The following PIWIL1 variants were observed in gnomAD, a reference collection of about 807,000 sequenced individuals.
The protein encoded by PIWIL1 is piwi like RNA-mediated gene silencing 1, also known as piwi-like protein 1.
Under a neutral mutation model 114.4 loss-of-function variants are expected in PIWIL1, and 73 were observed. That is an observed-to-expected ratio of 0.64 (90% CI 0.53 to 0.78). PIWIL1 has a LOEUF of 0.78. PIWIL1 is among the 30% of genes least tolerant of loss of function. PIWIL1 has a pLI of 0.00. For synonymous variants in PIWIL1, 375 were observed against 369.0 expected, an observed-to-expected ratio of 1.02 and a Z score of -0.19; for missense variants, 723 against 1,063.1, an observed-to-expected ratio of 0.68 and a Z score of 4.45.
chr12:130,357,192 T>C, intron 13 of PIWIL1, 87 bp downstream of exon 13: 1 of 1,088,830 alleles, frequency 9.2e-7, no homozygotes, highest in Non-Finnish European at 1.3e-6. Context: ...AACTACGTTA[T>C]CTTAATTGAA....
rs1251766980 is a variant in PIWIL1, at chr12:130,363,130, T to A, written c.2181T>A (p.Ile727=). ...VPQFLDCLKS[I]GRGYNPRLTV... ...AGTTTTTGGATTGTCTAAAATCCAT[T>A]GGTAGAGGTTACAAGTAAGCATGCA... Residue 727 remains isoleucine (I), a synonymous_variant, in exon 18 of 21, where the codon ATT becomes ATA. Transcript: ENST00000245255. 1.2e-6 allele frequency: 2 copies of A among 1,614,116 alleles called. No homozygotes were observed. Among genetic ancestry groups the A allele is most frequent in the Non-Finnish European group, 1.7e-6 (2 of 1,179,952 alleles).
rs772433633 is a variant in PIWIL1 at position 130,349,952 on chromosome 12, A to G, written c.1029A>G (p.Leu343=). ...CCGACGGCTCTGAAGTCAGCTTCTT[A>G]GAATACTACAGGAAGGTAAGATGCC... ...KKADGSEVSF[L]EYYRKQYNQE... The change falls in exon 9 of 21, where the codon TTA becomes TTG. Residue 343 remains leucine, a synonymous_variant. Coordinates refer to ENST00000245255, the MANE Select transcript of PIWIL1 (RefSeq NM_004764.5). 6.9e-6 allele frequency: 11 copies of G among 1,601,198 alleles called. No homozygotes were observed. In the South Asian group the frequency reaches 1.1e-4, roughly 16 times the overall value.
chr12:130,374,326 C>T (rs1018227692), downstream of PIWIL1, among the ~76,000 whole-genome samples: 3 of 152,142 alleles, frequency 2.0e-5, no homozygotes, highest in Admixed American at 6.5e-5. Flanking sequence ...TCAGATATTT[C>T]GTACATTTCT....
the PIWIL1 span, among the ~76,000 whole-genome samples, chr12:130,381,789 GT>G: frequency 6.6e-6 from 1 of 152,194 alleles, no homozygotes; most frequent in African/African-American, 2.4e-5. Flanking sequence ...GAGAGTTCCT[GT>G]TAATTCACGT....
chr12:130,364,951 ACACTCCTGGCCTT>A (rs2073614279), intron 18 of PIWIL1, among the ~76,000 whole-genome samples: 1 of 152,204 alleles, frequency 6.6e-6, no homozygotes, highest in South Asian at 2.1e-4. Flanking sequence ...CTAGGAGTAC[ACACTCCTGGCCTT>A]GCTGGGTCAT....
the PIWIL1 span, among the ~76,000 whole-genome samples, chr12:130,417,219 C>T: frequency 1.3e-5 from 2 of 152,202 alleles, no homozygotes; most frequent in African/African-American, 4.8e-5. Context: ...CCATTTGACA[C>T]ACCAGTGCCA....
chr12:130,412,532 TCTC>T, the PIWIL1 span: 3 of 1,216,590 alleles, frequency 2.5e-6, no homozygotes, highest in East Asian at 2.4e-5. Flanking sequence ...CAATTTGGGG[TCTC>T]CTCATCACCG....
the PIWIL1 span, among the ~76,000 whole-genome samples, chr12:130,382,150 G>A: frequency 6.6e-6 from 1 of 152,230 alleles, no homozygotes; most frequent in Non-Finnish European, 1.5e-5. Flanking sequence ...GAATGGAGGT[G>A]TTTGATGTTT....
At chr12:130,379,496 G>A in the PIWIL1 span, among the ~76,000 whole-genome samples, 9 of 60,436 alleles carry the variant, frequency 1.5e-4, no homozygotes, top group East Asian at 4.3e-4. Context: ...TCCCATCCAA[G>A]CATTGACAGT....
intron 19 of PIWIL1, 97 bp downstream of exon 19, chr12:130,367,355 T>C (rs2073689032): frequency 1.7e-6 from 2 of 1,149,824 alleles, no homozygotes; most frequent in Non-Finnish European, 2.4e-6. Flanking sequence ...CATTTTACTT[T>C]TGTTCTTATA....
the PIWIL1 span, among the ~76,000 whole-genome samples, chr12:130,395,284 A>G: frequency 1.3e-5 from 2 of 152,224 alleles, no homozygotes; most frequent in Admixed American, 6.5e-5. Flanking sequence ...AAAGCAAAAC[A>G]TGGTTTTTCT....
rs953036553 is a variant in PIWIL1, at chr12:130,355,079, T to C, written c.1289+74T>C. 1.9e-4 allele frequency: 169 copies of C among 896,280 alleles called. No homozygotes were observed. In the African/African-American group the frequency reaches 2.5e-3, roughly 13 times the overall value. The allele number at this position is 896,280 out of a possible 1,614,324, so 55.5% of individuals were successfully genotyped here. ...TTTTATGTGGCTTTGAGGGGTATCT[T>C]TTGAGGGAGTGGCAGAAAGTAACTT... is the stretch of plus-strand genomic sequence containing the variant. On this transcript the variant is annotated intron_variant, in intron 11 of 20. Transcript: ENST00000245255.
rs1434449678 is a variant in PIWIL1, at chr12:130,357,481, G to C, written c.1593G>C (p.Met531Ile). 6.2e-7 allele frequency: 1 copy of C among 1,611,130 alleles called. No homozygotes were observed. Among genetic ancestry groups the C allele is most frequent in the African/African-American group, 1.3e-5 (1 of 74,790 alleles). ...AMGMQMRKAI[M>I]IEVDDRTEAY... ...GTTGGATTGTGTACTTTCATTCTAG[G>C]ATTGAAGTGGATGACAGAACTGAAG... is the stretch of plus-strand genomic sequence containing the variant. The change falls in exon 14 of 21, where the codon ATG (methionine) becomes ATC (isoleucine). Residue 531 changes from methionine (M) to isoleucine (I), a missense_variant and splice_region_variant. Coordinates refer to ENST00000245255, the MANE Select transcript of PIWIL1 (RefSeq NM_004764.5).
chr12:130,338,837 G>A (rs1251484937), intron 1 of PIWIL1, among the ~76,000 whole-genome samples: 16 of 134,350 alleles, frequency 1.2e-4, no homozygotes, highest in African/African-American at 4.5e-4. Context: ...CCGACTTGCC[G>A]GGGCTGTAGG....
intron 17 of PIWIL1, 39 bp from the exon 18 acceptor site, chr12:130,362,952 A>T: frequency 6.2e-7 from 1 of 1,612,226 alleles, no homozygotes; most frequent in Non-Finnish European, 8.5e-7. Context: ...GTTGTGTCGT[A>T]GGCATGAATT....
the PIWIL1 span, among the ~76,000 whole-genome samples, chr12:130,378,633 G>A: frequency 6.6e-6 from 1 of 152,144 alleles, no homozygotes; most frequent in East Asian, 1.9e-4. Context: ...AGTATTTGAT[G>A]ATGCCTTTTT....
the PIWIL1 span, among the ~76,000 whole-genome samples, chr12:130,385,451 A>C: frequency 6.6e-6 from 1 of 152,202 alleles, no homozygotes; most frequent in Non-Finnish European, 1.5e-5. Context: ...GTAACTCTTT[A>C]ACATAGTTAC....
chr12:130,412,612 C>G, the PIWIL1 span: 1 of 1,612,790 alleles, frequency 6.2e-7, no homozygotes, highest in Non-Finnish European at 8.5e-7. Flanking sequence ...TAGGGGTTTG[C>G]GCTTACCTAT....
the PIWIL1 span, among the ~76,000 whole-genome samples, chr12:130,402,175 C>G: frequency 0.98 from 148,808 of 152,222 alleles, 72,831 homozygotes; most frequent in East Asian, 1. Flanking sequence ...GACGACGGGA[C>G]TTGCTCGCGG....
Sources: allele counts gnomAD v4.1 joint callset (sites outside exome capture counted in the v4.1 genomes callset), GRCh38; gene constraint gnomAD v4.1.1; transcripts MANE v1.5; gene names NCBI Gene and HGNC (gene_info 2026-07-23, HGNC 2026-07-21).